The following ARHGEF26 variants were observed in gnomAD, a reference collection of about 807,000 sequenced individuals.
ARHGEF26 encodes the protein Rho guanine nucleotide exchange factor (GEF) 26.
ARHGEF26 carries 59 observed loss-of-function variants against 89.4 expected under a neutral mutation model. That is an observed-to-expected ratio of 0.66 (90% CI 0.54 to 0.82). The LOEUF is 0.82. ARHGEF26 is among the 40% of genes least tolerant of loss of function. The pLI is 0.00. For synonymous variants in ARHGEF26, 500 were observed against 428.4 expected (o/e 1.17, Z -2.06); for missense variants, 1,234 against 1,085.6 (o/e 1.14, Z -1.92).
chr3:154,148,982 G>A (rs1325224753), intron 4 of ARHGEF26, among the ~76,000 whole-genome samples: 2 of 152,094 alleles, frequency 1.3e-5, no homozygotes, highest in South Asian at 2.1e-4. Context: ...ATATAAAGTA[G>A]GGGGTCCCTA....
At chr3:154,234,987 C>T (rs1315167134) in intron 11 of ARHGEF26, among the ~76,000 whole-genome samples, 1 of 152,062 alleles carries the variant, frequency 6.6e-6, no homozygotes, top group Non-Finnish European at 1.5e-5. Flanking sequence ...TGGTCTCGAT[C>T]TCCTGACCTT....
Position 154,256,131 on chromosome 3 carries a change from A to T in ARHGEF26, c.*658A>T. On this transcript the variant is annotated 3_prime_UTR_variant, in exon 15 of 15. Transcript: ENST00000465093. ...TTTAAAAAAAAATCCATCTCACCCC[A>T]TATTGTTCTTAAATAAGTATAGACT... The T allele has an allele frequency of 1.0e-6, 1 of 985,366 alleles. No individual in the cohort carries two copies. The highest frequency in any genetic ancestry group is 1.1e-4 in the East Asian group (1 of 8,788). 61.0% of individuals were successfully genotyped at this position (985,366 alleles called of 1,614,324 possible). A position where few individuals can be genotyped will look rare whatever the true frequency, so the allele number is the denominator to read the frequency against.
At chr3:154,252,736 TTAG>T (rs1219877024) in intron 12 of ARHGEF26, among the ~76,000 whole-genome samples, 2 of 152,110 alleles carry the variant, frequency 1.3e-5, no homozygotes, top group East Asian at 3.9e-4. Context: ...AGCAGAGAAA[TTAG>T]TAGGATTTTT....
At position 154,257,281 on chromosome 3, in the gene ARHGEF26, A is replaced by G; in HGVS notation, c.*1808A>G. ...CCTTGAGATCTGAGCAACTGTGTTA[A>G]TGAAGTAATAGCAATGGTCCACAGT... On this transcript the variant is annotated 3_prime_UTR_variant, in exon 15 of 15. Coordinates refer to ENST00000465093, the MANE Select transcript of ARHGEF26 (RefSeq NM_015595.4). 5.4e-6 allele frequency: 1 copy of G among 185,820 alleles called. No individual in the cohort carries two copies. Among genetic ancestry groups the G allele is most frequent in the Non-Finnish European group, 1.1e-5 (1 of 90,664 alleles). The allele number at this position is 185,820 out of a possible 1,614,324, so 11.5% of individuals were successfully genotyped here.
chr3:154,218,498 A>C (rs1355650172), intron 10 of ARHGEF26, among the ~76,000 whole-genome samples: 1 of 152,098 alleles, frequency 6.6e-6, no homozygotes, highest in Non-Finnish European at 1.5e-5. Context: ...AACAAAAAAG[A>C]AGAAAATGAC....
At chr3:154,195,929 A>G (rs1015982454) in intron 9 of ARHGEF26, among the ~76,000 whole-genome samples, 1 of 152,176 alleles carries the variant, frequency 6.6e-6, no homozygotes, top group African/African-American at 2.4e-5. Context: ...GGAGAAAACT[A>G]AAAAGAACAA....
At chr3:154,206,178 T>C (rs986949788) in intron 9 of ARHGEF26, among the ~76,000 whole-genome samples, 1 of 152,226 alleles carries the variant, frequency 6.6e-6, no homozygotes, top group Non-Finnish European at 1.5e-5. Context: ...TGGTAAAAGT[T>C]TTTTGCCTTC....
Position 154,128,565 on chromosome 3 carries a change from C to T in ARHGEF26, c.1124-1009C>T, listed in dbSNP as rs1398342526. On this transcript the variant is annotated intron_variant, in intron 3 of 14. Transcript: ENST00000465093. ...CCTCAACTCCCATCTTCTGTACTTT[C>T]CCCCCATTTCCTTGTACTCCAGCCA... 3.3e-5 allele frequency among the ~76,000 whole-genome samples: 5 copies of T among 152,148 alleles called. No homozygotes were observed. The South Asian group carries it at 6.2e-4, about 19-fold the overall frequency.
intron 11 of ARHGEF26, among the ~76,000 whole-genome samples, chr3:154,239,299 A>AGAGAGAGT (rs1182446964): frequency 4.7e-5 from 3 of 64,328 alleles, no homozygotes; most frequent in African/African-American, 1.2e-4. Flanking sequence ...AGAGAGAGAG[A>AGAGAGAGT]GTGTGTGTGT....
At position 154,237,578 on chromosome 3, in the gene ARHGEF26, C is replaced by CACACACACTT. The variant is rs1559919348; in HGVS notation, c.2091-2792_2091-2791insACACACACTT. Among the ~76,000 whole-genome samples the CACACACACTT allele has an allele frequency of 1.1e-4, 8 of 73,042 alleles. No homozygotes were observed. The South Asian group carries it at 1.8e-3, about 16-fold the overall frequency. 47.9% of individuals were successfully genotyped at this position (73,042 alleles called of 152,430 possible). On this transcript the variant is annotated intron_variant, in intron 11 of 14. Coordinates refer to ENST00000465093, the MANE Select transcript of ARHGEF26 (RefSeq NM_015595.4). The stretch of plus-strand genomic sequence containing the variant: ...CACACACACACACACACACACTTAA[C>CACACACACTT]TAGTTTATTCATATTAGCTTATATT...
rs951749773 is a variant in ARHGEF26 at position 154,123,150 on chromosome 3, G to A, written c.1083+75G>A. Reference sequence around the variant, plus strand: ...TGTGTTGGGAGTGGGGAGGAGGAGCGTAGAGGAAACCCGAAGAAGTCATTC... The same window carrying A: ...TGTGTTGGGAGTGGGGAGGAGGAGCATAGAGGAAACCCGAAGAAGTCATTC... On this transcript the variant is annotated intron_variant, in intron 2 of 14. Coordinates refer to ENST00000465093, the MANE Select transcript of ARHGEF26 (RefSeq NM_015595.4). The A allele has an allele frequency of 4.5e-6, 7 of 1,564,786 alleles. No individual in the cohort carries two copies. In the Admixed American group the frequency reaches 7.3e-5, roughly 16 times the overall value.
At chr3:154,144,168 G>T (rs1719557809) in intron 4 of ARHGEF26, among the ~76,000 whole-genome samples, 1 of 152,166 alleles carries the variant, frequency 6.6e-6, no homozygotes, top group South Asian at 2.1e-4. Context: ...AGAGTAGCTT[G>T]CACAGCTCTT....
chr3:154,143,329 T>C (rs2108078445), intron 4 of ARHGEF26, among the ~76,000 whole-genome samples: 1 of 152,324 alleles, frequency 6.6e-6, no homozygotes, highest in East Asian at 1.9e-4. Flanking sequence ...CTTTTTTCCC[T>C]TAACAGTGTC....
chr3:154,248,116 C>T (rs1238678628), intron 12 of ARHGEF26, among the ~76,000 whole-genome samples: 1 of 152,208 alleles, frequency 6.6e-6, no homozygotes, highest in Non-Finnish European at 1.5e-5. Context: ...TGTATACCGT[C>T]ATGAAACATC....
chr3:154,123,647 C>CT (rs1718142538), intron 2 of ARHGEF26, among the ~76,000 whole-genome samples: 1 of 152,112 alleles, frequency 6.6e-6, no homozygotes, highest in South Asian at 2.1e-4. Flanking sequence ...ATTTTGTCAT[C>CT]TTTTTTGTTG....
intron 9 of ARHGEF26, among the ~76,000 whole-genome samples, chr3:154,205,633 G>C (rs1714969907): frequency 6.6e-6 from 1 of 151,946 alleles, no homozygotes; most frequent in Non-Finnish European, 1.5e-5. Context: ...TATTTCATCT[G>C]ATTTAGTTTT....
intron 6 of ARHGEF26, among the ~76,000 whole-genome samples, chr3:154,178,912 G>A (rs1713004217): frequency 1.3e-5 from 2 of 152,052 alleles, no homozygotes; most frequent in Admixed American, 1.3e-4. Context: ...TCCCTCCAGG[G>A]TTACTTTCCT....
At chr3:154,209,868 G>T (rs946184792) in intron 9 of ARHGEF26, among the ~76,000 whole-genome samples, 3 of 152,174 alleles carry the variant, frequency 2.0e-5, no homozygotes, top group Non-Finnish European at 2.9e-5. Context: ...CAGGTGGGTC[G>T]AGAGGTACCG....
chr3:154,252,451 A>G lies in ARHGEF26; in HGVS notation c.2301-665A>G, dbSNP rs77762473. Among the ~76,000 whole-genome samples the G allele has an allele frequency of 1.1e-4, 17 of 152,310 alleles. No individual in the cohort carries two copies. In the East Asian group the frequency reaches 2.3e-3, roughly 21 times the overall value. On this transcript the variant is annotated intron_variant, in intron 12 of 14. Coordinates refer to ENST00000465093, the MANE Select transcript of ARHGEF26 (RefSeq NM_015595.4). ...CCAGGGTGACTGCATTATGTAGAGA[A>G]GTGCTTGCTTATCTGAAACTTTTGA... is the stretch of plus-strand genomic sequence containing the variant.
Sources: gnomAD v4.1 joint callset for allele counts (sites outside exome capture counted in the v4.1 genomes callset) on GRCh38, gnomAD v4.1.1 for gene constraint, MANE v1.5 for transcripts, NCBI Gene and HGNC (gene_info 2026-07-23, HGNC 2026-07-21) for gene names.